STK17A: variants seen among roughly 807,000 people sequenced by gnomAD.
STK17A encodes serine/threonine kinase 17a, also known as serine/threonine-protein kinase 17A.
STK17A carries 26 observed loss-of-function variants against 43.7 expected under a neutral mutation model. The ratio of observed to expected loss-of-function variants is 0.60; its 90% CI spans 0.44 to 0.83. The LOEUF (loss-of-function observed/expected upper bound fraction) is 0.83. Among genes scored for constraint, STK17A ranks in the 40% least tolerant of loss-of-function variants. The probability of loss-of-function intolerance (pLI) is 0.00; values close to 1 mark genes in which losing one functional copy is unlikely to be tolerated. For missense variants in STK17A, 476 were observed against 511.6 expected (o/e 0.93, Z 0.67); for synonymous variants, 191 against 182.5 (o/e 1.05, Z -0.38).
chr7:43,599,609 C>A (rs543026257), intron 2 of STK17A, among the ~76,000 whole-genome samples: 2 of 152,302 alleles, frequency 1.3e-5, no homozygotes, highest in South Asian at 4.1e-4. Context: ...AGTACCAAAT[C>A]TTTATTAGTC....
At chr7:43,608,184 C>T in intron 2 of STK17A, 72 bp from the exon 3 acceptor site, 2 of 1,408,800 alleles carry the variant, frequency 1.4e-6, no homozygotes, top group Non-Finnish European at 1.9e-6. Context: ...AATTAATTTA[C>T]TCTGTAGTTT....
At chr7:43,600,022 C>A (rs1403491473) in intron 2 of STK17A, among the ~76,000 whole-genome samples, 1 of 152,180 alleles carries the variant, frequency 6.6e-6, no homozygotes, top group Non-Finnish European at 1.5e-5. Flanking sequence ...CTGAAGGCAT[C>A]TCTTTCCTAC....
At chr7:43,586,063 A>G (rs1007760449) in intron 1 of STK17A, among the ~76,000 whole-genome samples, 10 of 151,580 alleles carry the variant, frequency 6.6e-5, no homozygotes, top group South Asian at 2.1e-4. Flanking sequence ...TAGAAAACCT[A>G]TTTTTCCAAC....
At chr7:43,597,824 T>C (rs1359455147) in intron 2 of STK17A, among the ~76,000 whole-genome samples, 1 of 151,912 alleles carries the variant, frequency 6.6e-6, no homozygotes, top group Non-Finnish European at 1.5e-5. Flanking sequence ...TCCCAGCTAC[T>C]TGGGAGGCTG....
intron 1 of STK17A, among the ~76,000 whole-genome samples, chr7:43,587,916 C>G (rs1178575965): frequency 6.6e-6 from 1 of 151,548 alleles, no homozygotes; most frequent in East Asian, 1.9e-4. Context: ...TTGAAAAGTT[C>G]ATGCTTCAAA....
Position 43,585,031 on chromosome 7 carries a change from T to C in STK17A, c.206+1582T>C, listed in dbSNP as rs1040497978. Among the ~76,000 whole-genome samples, 14 of 152,214 alleles carry C rather than the reference T, an allele frequency of 9.2e-5. 1 individual carries two copies. The South Asian group carries it at 2.5e-3, about 27-fold the overall frequency. On this transcript the variant is annotated intron_variant, in intron 1 of 6. Transcript: ENST00000319357. ...GGCCAACATGGTGAAACCCCGTCTG[T>C]ACCAAAAATACAATAATTAGCTGGG...
At chr7:43,591,768 G>A (rs10251301) in intron 1 of STK17A, among the ~76,000 whole-genome samples, 22,948 of 151,316 alleles carry the variant, frequency 0.15, 3,059 homozygotes, top group Non-Finnish European at 0.23. Context: ...GTGTGAGTCC[G>A]TGTTTAATTT....
rs2082512814 is a variant in STK17A, at chr7:43,596,004, G to C, written c.310G>C (p.Glu104Gln). The change falls in exon 2 of 7, where the codon GAA (glutamate) becomes CAA (glutamine). Residue 104 changes from glutamate (E) to glutamine (Q), a missense_variant. By Grantham distance (29) the Glu-to-Gln change is conservative. Coordinates refer to ENST00000319357, the MANE Select transcript of STK17A (RefSeq NM_004760.3). ...AAGAAAAGGCCAAGATTGTCGGATGGAAATAATTCATGAGATTGCTGTACT... is the reference window on the plus strand; with the variant it reads ...AAGAAAAGGCCAAGATTGTCGGATGCAAATAATTCATGAGATTGCTGTACT... ...KRRKGQDCRMEIIHEIAVLEL... is the reference protein window; with the variant it reads ...KRRKGQDCRMQIIHEIAVLEL... 2 of 1,613,822 alleles carry C rather than the reference G, an allele frequency of 1.2e-6. No homozygotes were observed. Among genetic ancestry groups the C allele is most frequent in the Non-Finnish European group, 1.7e-6 (2 of 1,179,948 alleles).
chr7:43,615,925 A>G (rs1378512489), intron 3 of STK17A, among the ~76,000 whole-genome samples: 3 of 152,138 alleles, frequency 2.0e-5, no homozygotes, highest in Non-Finnish European at 2.9e-5. Context: ...CCCTAAAGAT[A>G]ACATGCCCAT....
chr7:43,584,615 GT>G (rs1309934053), intron 1 of STK17A, among the ~76,000 whole-genome samples: 2 of 150,328 alleles, frequency 1.3e-5, no homozygotes, highest in African/African-American at 4.9e-5. Flanking sequence ...TGGTTATAAT[GT>G]TAAAAACACA....
At position 43,624,490 on chromosome 7, in the gene STK17A, CTTAACTGTAAAACATGTATCTT is replaced by C; in HGVS notation, c.921-26_921-5del. On this transcript the variant is annotated splice_polypyrimidine_tract_variant and splice_region_variant and intron_variant, in intron 6 of 6. Coordinates refer to ENST00000319357, the MANE Select transcript of STK17A (RefSeq NM_004760.3). ...AATTTTAATTGAAGTTCTAACATGT[CTTAACTGTAAAACATGTATCTT>C]TACAGAGATCGAGCCACTGCTGAAG... 6.4e-7 allele frequency: 1 copy of C among 1,570,114 alleles called. No homozygotes were observed. The highest frequency in any genetic ancestry group is 1.2e-5 in the South Asian group (1 of 86,408).
intron 2 of STK17A, 31 bp downstream of exon 2, chr7:43,596,144 T>A (rs1165448563): frequency 6.3e-7 from 1 of 1,580,798 alleles, no homozygotes; most frequent in Non-Finnish European, 8.6e-7. Context: ...ATTAAGTTTG[T>A]TTGGTAGTCT....
At position 43,626,587 on chromosome 7, in the gene STK17A, G is replaced by A. The variant is rs1429935453; in HGVS notation, c.*1745G>A. 1 of 152,158 alleles carries A rather than the reference G, an allele frequency of 6.6e-6. No individual in the cohort carries two copies. Among genetic ancestry groups the A allele is most frequent in the African/African-American group, 2.4e-5 (1 of 41,428 alleles). 9.4% of individuals were successfully genotyped at this position (152,158 alleles called of 1,614,324 possible). A position where few individuals can be genotyped will look rare whatever the true frequency, so the allele number is the denominator to read the frequency against. Reference sequence around the variant, plus strand: ...CCATGGCCACAGTTTTGAGTCTCAGGTAAGTCTTGGAAGAAGTTAAACACA... The same window carrying A: ...CCATGGCCACAGTTTTGAGTCTCAGATAAGTCTTGGAAGAAGTTAAACACA... On this transcript the variant is annotated 3_prime_UTR_variant, in exon 7 of 7. Coordinates refer to ENST00000319357, the MANE Select transcript of STK17A (RefSeq NM_004760.3).
At position 43,612,329 on chromosome 7, in the gene STK17A, A is replaced by T. The variant is rs114682754; in HGVS notation, c.564+3929A>T. The stretch of plus-strand genomic sequence containing the variant: ...TAGAGATGGGGTTGGTATGGCAACC[A>T]TGCATGCGGGAGTGATTTCTACTAA... On this transcript the variant is annotated intron_variant, in intron 3 of 6. Coordinates refer to ENST00000319357, the MANE Select transcript of STK17A (RefSeq NM_004760.3). 2.2e-3 allele frequency among the ~76,000 whole-genome samples: 331 copies of T among 152,312 alleles called. 2 individuals carry two copies. The highest frequency in any genetic ancestry group is 7.7e-3 in the African/African-American group (319 of 41,572).
chr7:43,608,274 C>A lies in STK17A; in HGVS notation c.438C>A (p.Ile146=). Reference sequence around the variant, plus strand: ...TCTCTAGTGCTGCTGGGGGTGAAATCTTTGACCAGTGTGTTGCAGACAGAG... The same window carrying A: ...TCTCTAGTGCTGCTGGGGGTGAAATATTTGACCAGTGTGTTGCAGACAGAG... ...LVLEYAAGGE[I]FDQCVADREE... The change falls in exon 3 of 7, where the codon ATC becomes ATA. Residue 146 remains isoleucine (I), a synonymous_variant. Transcript: ENST00000319357. 1 of 1,612,932 alleles carries A rather than the reference C, an allele frequency of 6.2e-7. No individual in the cohort carries two copies. The highest frequency in any genetic ancestry group is 1.3e-5 in the African/African-American group (1 of 74,992).
chr7:43,621,898 C>T (rs2083932020), intron 4 of STK17A, among the ~76,000 whole-genome samples: 1 of 152,178 alleles, frequency 6.6e-6, no homozygotes, highest in Admixed American at 6.5e-5. Context: ...TTTATGCCTC[C>T]CACAGTCATT....
chr7:43,620,921 C>T lies in STK17A; in HGVS notation c.691+1198C>T, dbSNP rs1725653433. On this transcript the variant is annotated intron_variant, in intron 4 of 6. Transcript: ENST00000319357. The stretch of plus-strand genomic sequence containing the variant: ...GCTGTGGCCTGGGCCTGAGGGAAGA[C>T]TCTGTGCCTGAGGGTAGAAGTGTGA... 2.6e-5 allele frequency among the ~76,000 whole-genome samples: 4 copies of T among 152,220 alleles called. No individual in the cohort carries two copies. The East Asian group carries it at 5.8e-4, about 22-fold the overall frequency.
At chr7:43,623,525 A>T (rs2084144313) in intron 4 of STK17A, 47 bp from the exon 5 acceptor site, 6 of 1,551,018 alleles carry the variant, frequency 3.9e-6, no homozygotes, top group Non-Finnish European at 5.3e-6. Flanking sequence ...GCAAATTAGG[A>T]ATTTTTTTCC....
Position 43,596,633 on chromosome 7 carries a change from G to A in STK17A, c.419+520G>A, listed in dbSNP as rs1388255955. 5.3e-5 allele frequency among the ~76,000 whole-genome samples: 8 copies of A among 151,672 alleles called. No individual in the cohort carries two copies. In the East Asian group the frequency reaches 9.7e-4, roughly 18 times the overall value. ...TGTAATCCCGGCACTTTGAGAGGCCGAGGCAGGAGGATCACCTGAGGTCAA... is the reference window on the plus strand; with the variant it reads ...TGTAATCCCGGCACTTTGAGAGGCCAAGGCAGGAGGATCACCTGAGGTCAA... On this transcript the variant is annotated intron_variant, in intron 2 of 6. Coordinates refer to ENST00000319357, the MANE Select transcript of STK17A (RefSeq NM_004760.3).
Sources: allele counts gnomAD v4.1 joint callset (sites outside exome capture counted in the v4.1 genomes callset), GRCh38; gene constraint gnomAD v4.1.1; transcripts MANE v1.5; gene names NCBI Gene and HGNC (gene_info 2026-07-23, HGNC 2026-07-21).